The following PTBP1 variants were observed in gnomAD, a reference collection of about 807,000 sequenced individuals.
The protein encoded by PTBP1 is polypyrimidine tract binding protein 1.
In PTBP1, 8 loss-of-function variants were observed where a neutral mutation model predicts 59.8. The ratio of observed to expected loss-of-function variants is 0.13; its 90% CI spans 0.08 to 0.24. The LOEUF (loss-of-function observed/expected upper bound fraction) is 0.24, where lower values mean the gene tolerates loss of function less well. Among genes scored for constraint, PTBP1 ranks in the 10% least tolerant of loss-of-function variants. The probability of loss-of-function intolerance (pLI) is 1.00; values close to 1 mark genes in which losing one functional copy is unlikely to be tolerated. For synonymous variants in PTBP1, 490 were observed against 320.7 expected (o/e 1.53, Z -5.64); for missense variants, 686 against 767.0 (o/e 0.89, Z 1.25).
chr19:806,595 A>C, intron 10 of PTBP1, 39 bp downstream of exon 10: 3 of 1,463,326 alleles, frequency 2.1e-6, no homozygotes, highest in South Asian at 1.4e-5. Flanking sequence ...TTCCTCCCGG[A>C]AGAGCGAGCA....
At position 811,837 on chromosome 19, in the gene PTBP1, T is replaced by A. The variant is rs1239726060; in HGVS notation, c.*1011T>A. On this transcript the variant is annotated 3_prime_UTR_variant, in exon 15 of 15. Coordinates refer to ENST00000356948, the MANE Select transcript of PTBP1 (RefSeq NM_002819.5). Reference sequence around the variant, plus strand: ...AAAACTTGCTCTCAAACTTCAGGGTTTTTTCTTCCTTCAAATTTTGGACCA... The same window carrying A: ...AAAACTTGCTCTCAAACTTCAGGGTATTTTCTTCCTTCAAATTTTGGACCA... 6.6e-6 allele frequency: 1 copy of A among 152,390 alleles called. No individual in the cohort carries two copies. Among genetic ancestry groups the A allele is most frequent in the Non-Finnish European group, 1.5e-5 (1 of 68,014 alleles). The allele number at this position is 152,390 out of a possible 1,614,324, so 9.4% of individuals were successfully genotyped here. A position where few individuals can be genotyped will look rare whatever the true frequency, so the allele number is the denominator to read the frequency against.
At chr19:804,498 A>C (rs758128420) in intron 5 of PTBP1, 34 bp from the exon 6 acceptor site, 2 of 1,593,220 alleles carry the variant, frequency 1.3e-6, no homozygotes, top group Admixed American at 1.7e-5. Context: ...GCCCAGCCGC[A>C]GGGGCCGGGG....
At chr19:802,386 G>C (rs1485385070) in intron 2 of PTBP1, among the ~76,000 whole-genome samples, 1 of 151,722 alleles carries the variant, frequency 6.6e-6, no homozygotes, top group African/African-American at 2.4e-5. Context: ...AGCGTTGGTG[G>C]GGGCTCTTTG....
rs1416608136 is a variant in PTBP1 at position 811,127 on chromosome 19, G to A, written c.*301G>A. ...GTGTCGGGCGTGGGGCCTGCAGGTG[G>A]GCGCCCCGACCACGACTTGGCTTCC... On this transcript the variant is annotated 3_prime_UTR_variant, in exon 15 of 15. Coordinates refer to ENST00000356948, the MANE Select transcript of PTBP1 (RefSeq NM_002819.5). The A allele has an allele frequency of 7.1e-6, 2 of 283,300 alleles. No homozygotes were observed. The highest frequency in any genetic ancestry group is 1.3e-5 in the Non-Finnish European group (2 of 153,246). 17.5% of individuals were successfully genotyped at this position (283,300 alleles called of 1,614,324 possible). A position where few individuals can be genotyped will look rare whatever the true frequency, so the allele number is the denominator to read the frequency against.
At chr19:797,585 GGCC>G (rs2034125858) in intron 1 of PTBP1, 80 bp downstream of exon 1, 1 of 1,038,312 alleles carries the variant, frequency 9.6e-7, no homozygotes, top group South Asian at 3.3e-5. Flanking sequence ...GCCTCCCCGG[GGCC>G]GATCTCGCCC....
intron 9 of PTBP1, 87 bp from the exon 10 acceptor site, chr19:806,321 G>A: frequency 7.2e-7 from 1 of 1,395,224 alleles, no homozygotes; most frequent in Non-Finnish European, 9.4e-7. Context: ...TCGGCTCCTC[G>A]GTGCATGAGG....
In PTBP1 at chr19:803,588, T is replaced by C; in HGVS notation, c.67T>C (p.Cys23Arg). Residue 23 changes from cysteine to arginine, a missense_variant, in exon 3 of 15, where the codon TGT becomes CGT. Transcript: ENST00000356948. Reference sequence around the variant, plus strand: ...GGGATCTGACGAGCTTTTCTCTACTTGTGTCACTAACGGACCGTTTATCAT... The same window carrying C: ...GGGATCTGACGAGCTTTTCTCTACTCGTGTCACTAACGGACCGTTTATCAT... Reference protein sequence around the residue: ...KRGSDELFSTCVTNGPFIMSS... With the variant: ...KRGSDELFSTRVTNGPFIMSS... 6.2e-7 allele frequency: 1 copy of C among 1,614,170 alleles called. No individual in the cohort carries two copies. The highest frequency in any genetic ancestry group is 8.5e-7 in the Non-Finnish European group (1 of 1,179,998).
At chr19:803,008 C>G (rs554519747) in intron 2 of PTBP1, among the ~76,000 whole-genome samples, 4 of 151,778 alleles carry the variant, frequency 2.6e-5, no homozygotes, top group Non-Finnish European at 5.9e-5. Context: ...AGACGGAGGT[C>G]GGGTTTCTTT....
Position 805,132 on chromosome 19 carries a change from C to A in PTBP1, c.837C>A (p.Asp279Glu), listed in dbSNP as rs2034502876. Residue 279 changes from aspartate to glutamate, a missense_variant, in exon 8 of 15, where the codon GAC becomes GAA. Asp to Glu is a conservative substitution (Grantham distance 45, BLOSUM62 2). Coordinates refer to ENST00000356948, the MANE Select transcript of PTBP1 (RefSeq NM_002819.5). ...AGAGCCGTGACTACACACGCCCAGA[C>A]CTGCCTTCCGGGGACAGCCAGCCCT... is the stretch of plus-strand genomic sequence containing the variant. ...NDKSRDYTRP[D>E]LPSGDSQPSL... The A allele has an allele frequency of 6.2e-7, 1 of 1,613,726 alleles. No individual in the cohort carries two copies. Among genetic ancestry groups the A allele is most frequent in the African/African-American group, 1.3e-5 (1 of 74,944 alleles).
chr19:801,882 C>A (rs1391090336), intron 2 of PTBP1, among the ~76,000 whole-genome samples: 2 of 152,208 alleles, frequency 1.3e-5, no homozygotes, highest in African/African-American at 4.8e-5. Context: ...GCCCCAGACT[C>A]TGAAAGCGAG....
At chr19:805,709 G>A (rs2034533735) in intron 9 of PTBP1, 140 bp downstream of exon 9, 13 of 740,720 alleles carry the variant, frequency 1.8e-5, no homozygotes, top group East Asian at 7.5e-5. Context: ...GAGAGGGGAC[G>A]CCACGTCCAC....
intron 9 of PTBP1, chr19:806,095 G>T (rs907410731): frequency 6.3e-6 from 2 of 317,942 alleles, no homozygotes; most frequent in Admixed American, 5.1e-5. Context: ...TCCCGGGACG[G>T]GCCCTGCTTG....
chr19:806,371 G>A, intron 9 of PTBP1, 37 bp from the exon 10 acceptor site: 3 of 1,572,784 alleles, frequency 1.9e-6, no homozygotes. Context: ...GGTGGAGTCG[G>A]GGGCGCCGCC....
rs2034677690 is a variant in PTBP1 at position 808,424 on chromosome 19, G to A, written c.1218G>A (p.Gln406=). 8.7e-6 allele frequency: 14 copies of A among 1,606,806 alleles called. No homozygotes were observed. The highest frequency in any genetic ancestry group is 1.3e-5 in the African/African-American group (1 of 74,906). The part of the protein sequence containing the change: ...LFNKKENALV[Q]MADGNQAQLA... ...ATAAGAAGGAGAACGCCCTAGTGCAGATGGCGGACGGCAACCAGGCCCAGC... is the reference window on the plus strand; with the variant it reads ...ATAAGAAGGAGAACGCCCTAGTGCAAATGGCGGACGGCAACCAGGCCCAGC... The change falls in exon 12 of 15, where the codon CAG becomes CAA. Residue 406 remains glutamine, a synonymous_variant. Coordinates refer to ENST00000356948, the MANE Select transcript of PTBP1 (RefSeq NM_002819.5). The surrounding 1 kb of genome is among the most constrained non-coding windows in gnomAD (Gnocchi z 4.7).
At chr19:809,715 C>T (rs1036843058) in intron 13 of PTBP1, among the ~76,000 whole-genome samples, 6 of 152,090 alleles carry the variant, frequency 3.9e-5, no homozygotes, top group Non-Finnish European at 7.3e-5. Flanking sequence ...AAAGTGAGAC[C>T]TCTGTCTCTA....
Position 806,592 on chromosome 19 carries a change from CG to C in PTBP1, c.1119+38del, listed in dbSNP as rs548128805. 201 of 1,465,120 alleles carry C rather than the reference CG, an allele frequency of 1.4e-4. 3 individuals are homozygous for C. In the South Asian group the frequency reaches 2.7e-3, roughly 20 times the overall value. 90.8% of individuals were successfully genotyped at this position (1,465,120 alleles called of 1,614,324 possible). A position where few individuals can be genotyped will look rare whatever the true frequency, so the allele number is the denominator to read the frequency against. ...TTTTCCTCCGCGCCGCCGTTCCTCC[CG>C]GAAGAGCGAGCAGGGGATGTTGTGC... is the stretch of plus-strand genomic sequence containing the variant. On this transcript the variant is annotated intron_variant, in intron 10 of 14. Transcript: ENST00000356948.
At chr19:809,494 G>T (rs972225232) in intron 13 of PTBP1, among the ~76,000 whole-genome samples, 1 of 151,740 alleles carries the variant, frequency 6.6e-6, no homozygotes, top group Non-Finnish European at 1.5e-5. Flanking sequence ...CTAATTTTTT[G>T]TATTTTTAGT....
chr19:798,904 C>T (rs2034201440), intron 1 of PTBP1, among the ~76,000 whole-genome samples: 2 of 152,210 alleles, frequency 1.3e-5, no homozygotes, highest in Non-Finnish European at 2.9e-5. Context: ...TTGACGGTTT[C>T]CACGGCCGCC....
At chr19:805,662 C>A in intron 9 of PTBP1, 93 bp downstream of exon 9, 1 of 1,117,034 alleles carries the variant, frequency 9.0e-7, no homozygotes, top group Non-Finnish European at 1.4e-6. Context: ...CCTGGGCGGA[C>A]TGGGCACTCG....
Sources: gnomAD v4.1 joint callset for allele counts (sites outside exome capture counted in the v4.1 genomes callset) on GRCh38, gnomAD v4.1.1 for gene constraint, Gnocchi (gnomAD v3.1) non-coding constraint, MANE v1.5 for transcripts, NCBI Gene and HGNC (gene_info 2026-07-23, HGNC 2026-07-21) for gene names.